The following PTPRD variants were observed in gnomAD, a reference collection of about 807,000 sequenced individuals.
The protein encoded by PTPRD is protein tyrosine phosphatase receptor type D.
In PTPRD, 34 loss-of-function variants were observed where a neutral mutation model predicts 214.5. The ratio of observed to expected loss-of-function variants is 0.16; its 90% CI spans 0.12 to 0.21. The LOEUF (loss-of-function observed/expected upper bound fraction) is 0.21. Among genes scored for constraint, PTPRD ranks in the 10% least tolerant of loss-of-function variants. The pLI, the probability that PTPRD is intolerant of heterozygous loss-of-function variation, is 1.00. For synonymous variants in PTPRD, 1,128 were observed against 845.7 expected, an observed-to-expected ratio of 1.33 and a Z score of -5.79; for missense variants, 2,545 against 2,398.7, an observed-to-expected ratio of 1.06 and a Z score of -1.27.
chr9:8,423,846 C>G (rs1253451054), intron 35 of PTPRD, among the ~76,000 whole-genome samples: 1 of 151,846 alleles, frequency 6.6e-6, no homozygotes, highest in East Asian at 1.9e-4. Flanking sequence ...TTTTATTTAC[C>G]TAGATCAAGA....
intron 11 of PTPRD, among the ~76,000 whole-genome samples, chr9:9,004,855 C>CAAACA (rs1325184161): frequency 2.6e-5 from 4 of 152,106 alleles, no homozygotes; most frequent in South Asian, 2.1e-4. Flanking sequence ...ATAGGAAAAA[C>CAAACA]AAACAAAACA....
At chr9:9,160,847 G>A (rs12336113) in intron 10 of PTPRD, among the ~76,000 whole-genome samples, 35,950 of 151,988 alleles carry the variant, frequency 0.24, 5,668 homozygotes, top group African/African-American at 0.44. Flanking sequence ...TATTTGGCTC[G>A]AAAAGAAGGA....
At chr9:10,260,495 G>T (rs534319296) in intron 3 of PTPRD, among the ~76,000 whole-genome samples, 2 of 152,226 alleles carry the variant, frequency 1.3e-5, no homozygotes, top group African/African-American at 4.8e-5. Flanking sequence ...CAACTAAGAT[G>T]TATTTCTCCC....
chr9:10,547,699 T>TTATA (rs577218359), intron 2 of PTPRD, among the ~76,000 whole-genome samples: 10 of 149,382 alleles, frequency 6.7e-5, no homozygotes, highest in East Asian at 3.9e-4. Flanking sequence ...TACATATATG[T>TTATA]TATATATATA....
intron 11 of PTPRD, among the ~76,000 whole-genome samples, chr9:8,799,225 G>C (rs1056261811): frequency 6.6e-6 from 1 of 152,152 alleles, no homozygotes; most frequent in Admixed American, 6.5e-5. Context: ...CCAGTAGTCT[G>C]GTAGCAATCA....
At chr9:9,224,050 G>A (rs1238364168) in intron 9 of PTPRD, among the ~76,000 whole-genome samples, 2 of 151,958 alleles carry the variant, frequency 1.3e-5, no homozygotes, top group African/African-American at 4.8e-5. Flanking sequence ...TGTTGGTTTT[G>A]TACAAGGCCA....
chr9:9,064,179 T>C (rs1049076611), intron 10 of PTPRD, among the ~76,000 whole-genome samples: 8 of 152,198 alleles, frequency 5.3e-5, no homozygotes, highest in African/African-American at 1.9e-4. Flanking sequence ...GTATTTTACA[T>C]GTTTTCTCAG....
chr9:9,951,212 G>C (rs2093425258), intron 4 of PTPRD, among the ~76,000 whole-genome samples: 1 of 152,036 alleles, frequency 6.6e-6, no homozygotes, highest in Admixed American at 6.6e-5. Context: ...TAGAAGCTTT[G>C]AGGGAAAAAA....
intron 5 of PTPRD, among the ~76,000 whole-genome samples, chr9:9,825,708 C>T (rs1353245406): frequency 1.3e-5 from 2 of 151,954 alleles, no homozygotes; most frequent in African/African-American, 4.8e-5. Context: ...CCCTTAACAA[C>T]TCAAAGTTCC....
chr9:10,171,949 T>C (rs2099210537), intron 3 of PTPRD, among the ~76,000 whole-genome samples: 1 of 152,174 alleles, frequency 6.6e-6, no homozygotes, highest in Non-Finnish European at 1.5e-5. Flanking sequence ...TGAAAAGACA[T>C]GGTGTTATAT....
chr9:9,410,195 C>T (rs1587614232), intron 8 of PTPRD, among the ~76,000 whole-genome samples: 3 of 152,094 alleles, frequency 2.0e-5, no homozygotes, highest in Admixed American at 2.0e-4. Flanking sequence ...CAAATCAATA[C>T]AATGAAATAT....
intron 11 of PTPRD, among the ~76,000 whole-genome samples, chr9:8,774,953 A>C (rs1028612019): frequency 1.3e-5 from 2 of 152,220 alleles, no homozygotes; most frequent in Non-Finnish European, 2.9e-5. Flanking sequence ...GTGAATATAA[A>C]GGAAAAATTA....
At chr9:9,347,338 A>C (rs1055390592) in intron 9 of PTPRD, among the ~76,000 whole-genome samples, 5 of 150,196 alleles carry the variant, frequency 3.3e-5, no homozygotes, top group Non-Finnish European at 5.9e-5. Context: ...ATATATATCT[A>C]TATATCTATA....
At chr9:8,784,734 C>T (rs2095867802) in intron 11 of PTPRD, among the ~76,000 whole-genome samples, 1 of 152,172 alleles carries the variant, frequency 6.6e-6, no homozygotes, top group African/African-American at 2.4e-5. Context: ...TTCTCTACAT[C>T]CACATTAGTT....
At chr9:10,559,727 C>A (rs180968283) in intron 2 of PTPRD, among the ~76,000 whole-genome samples, 2 of 152,154 alleles carry the variant, frequency 1.3e-5, no homozygotes, top group African/African-American at 4.8e-5. Flanking sequence ...AAACAAACAA[C>A]CCCATCAAAA....
intron 11 of PTPRD, among the ~76,000 whole-genome samples, chr9:8,771,065 C>T (rs7035351): frequency 0.046 from 6,914 of 151,640 alleles, 390 homozygotes; most frequent in African/African-American, 0.13. Flanking sequence ...CCTGTAGTCC[C>T]AGCTACTTGG....
At chr9:10,083,515 A>G (rs541880026) in intron 3 of PTPRD, among the ~76,000 whole-genome samples, 2 of 152,198 alleles carry the variant, frequency 1.3e-5, no homozygotes, top group South Asian at 2.1e-4. Context: ...CAGCAAATTC[A>G]TGTCTATAAA....
chr9:8,657,675 T>C (rs1172311586), intron 12 of PTPRD, among the ~76,000 whole-genome samples: 1 of 152,180 alleles, frequency 6.6e-6, no homozygotes. Context: ...TTTGTTGCAA[T>C]TGTTTTTGGG....
At chr9:8,802,838 G>A (rs1481816880) in intron 11 of PTPRD, among the ~76,000 whole-genome samples, 1 of 152,068 alleles carries the variant, frequency 6.6e-6, no homozygotes, top group African/African-American at 2.4e-5. Flanking sequence ...GACAGCTTGA[G>A]CCCAGGAGTT....
Sources: allele counts gnomAD v4.1 joint callset (sites outside exome capture counted in the v4.1 genomes callset), GRCh38; gene constraint gnomAD v4.1.1; transcripts MANE v1.5; gene names NCBI Gene and HGNC (gene_info 2026-07-23, HGNC 2026-07-21).